Variants in DLGAP2 observed in about 807,000 individuals in gnomAD.
DLGAP2 encodes the protein disks large-associated protein 2.
DLGAP2 carries 26 observed loss-of-function variants against 100.3 expected under a neutral mutation model. That is an observed-to-expected ratio of 0.26 (90% CI 0.19 to 0.36). The LOEUF (loss-of-function observed/expected upper bound fraction) is 0.36. DLGAP2 is among the 10% of genes least tolerant of loss of function. DLGAP2 has a pLI of 1.00. For synonymous variants in DLGAP2, 886 were observed against 630.1 expected (o/e 1.41, Z -6.08); for missense variants, 1,858 against 1,453.2 (o/e 1.28, Z -4.53).
intron 2 of DLGAP2, among the ~76,000 whole-genome samples, chr8:1,187,415 C>T (rs1316768771): frequency 7.0e-6 from 1 of 142,646 alleles, no homozygotes; most frequent in African/African-American, 2.7e-5. Context: ...GTCACACGCC[C>T]GGGACCTCCG....
intron 2 of DLGAP2, among the ~76,000 whole-genome samples, chr8:1,210,212 A>G (rs978170899): frequency 6.6e-6 from 1 of 152,104 alleles, no homozygotes; most frequent in East Asian, 1.9e-4. Flanking sequence ...CAAGGGTCCC[A>G]TCCGTCCAGG....
At chr8:1,698,570 CATGGGA>C (rs1563070153) in intron 14 of DLGAP2, among the ~76,000 whole-genome samples, 5 of 150,002 alleles carry the variant, frequency 3.3e-5, no homozygotes, top group African/African-American at 9.9e-5. Flanking sequence ...GTAAGCCATG[CATGGGA>C]CTAGACAGGT....
At position 1,664,661 on chromosome 8, in the gene DLGAP2, A is replaced by G. The variant is rs564753457; in HGVS notation, c.1811-3668A>G. ...GAAAACCCATATGGTAACAGCAACC[A>G]TATGGACATTCAGTTCGACCTGGAC... On this transcript the variant is annotated intron_variant, in intron 8 of 14. Transcript: ENST00000637795. Among the ~76,000 whole-genome samples, 18 of 152,338 alleles carry G rather than the reference A, an allele frequency of 1.2e-4. No individual in the cohort carries two copies. The East Asian group carries it at 3.5e-3, about 29-fold the overall frequency.
chr8:1,090,287 TGGCCAGGCAGG>T (rs1382234122), intron 2 of DLGAP2, among the ~76,000 whole-genome samples: 8 of 150,792 alleles, frequency 5.3e-5, no homozygotes, highest in Admixed American at 1.3e-4. Context: ...GGAGCCCTCC[TGGCCAGGCAGG>T]GGTGGAAACT....
chr8:1,563,197 T>C (rs13254408), intron 5 of DLGAP2, among the ~76,000 whole-genome samples: 309 of 19,142 alleles, frequency 0.016, no homozygotes, highest in Non-Finnish European at 0.017. Flanking sequence ...TTGGGGTGTC[T>C]GCGCCTCGTT....
chr8:1,143,574 C>A (rs1796557477), intron 2 of DLGAP2, among the ~76,000 whole-genome samples: 1 of 152,170 alleles, frequency 6.6e-6, no homozygotes, highest in Non-Finnish European at 1.5e-5. Context: ...CAGGACTCAG[C>A]CCCGGGCTCT....
chr8:780,185 A>T (rs903531459), intron 1 of DLGAP2, among the ~76,000 whole-genome samples: 1 of 151,392 alleles, frequency 6.6e-6, no homozygotes, highest in Non-Finnish European at 1.5e-5. Flanking sequence ...TCACTGTTCT[A>T]CTCTGTTTCC....
chr8:1,275,499 T>C (rs1428562152), intron 3 of DLGAP2, among the ~76,000 whole-genome samples: 1 of 151,838 alleles, frequency 6.6e-6, no homozygotes, highest in Admixed American at 6.6e-5. Flanking sequence ...GACATCAGCG[T>C]CAATCCCAGA....
chr8:904,881 C>T (rs932747337), intron 1 of DLGAP2, among the ~76,000 whole-genome samples: 1 of 152,212 alleles, frequency 6.6e-6, no homozygotes, highest in African/African-American at 2.4e-5. Flanking sequence ...TTTCATTCTC[C>T]TCTGCGGCCT....
chr8:1,616,378 T>C (rs562362111), intron 6 of DLGAP2, among the ~76,000 whole-genome samples: 2 of 152,110 alleles, frequency 1.3e-5, no homozygotes, highest in East Asian at 3.9e-4. Context: ...TTTGAAAGAA[T>C]CCACAGACCC....
chr8:995,805 C>T (rs1800767985), intron 2 of DLGAP2, among the ~76,000 whole-genome samples: 1 of 150,644 alleles, frequency 6.6e-6, no homozygotes, highest in South Asian at 2.1e-4. Context: ...TTTGGTGATG[C>T]TGGGGTGCTA....
intron 2 of DLGAP2, among the ~76,000 whole-genome samples, chr8:935,383 A>G (rs1040399005): frequency 6.6e-6 from 1 of 152,222 alleles, no homozygotes; most frequent in African/African-American, 2.4e-5. Context: ...AGCATTTTAC[A>G]TGCTGGATTT....
At chr8:1,506,463 A>T (rs547587512) in intron 4 of DLGAP2, among the ~76,000 whole-genome samples, 7 of 152,150 alleles carry the variant, frequency 4.6e-5, no homozygotes, top group Admixed American at 2.6e-4. Context: ...TGTGGTCTCA[A>T]TGGCCTCAGG....
chr8:1,309,145 C>T (rs924154958), intron 3 of DLGAP2, among the ~76,000 whole-genome samples: 4 of 151,876 alleles, frequency 2.6e-5, no homozygotes, highest in African/African-American at 7.3e-5. Context: ...TTACAAGAGT[C>T]TCCGAAAAGG....
intron 6 of DLGAP2, among the ~76,000 whole-genome samples, chr8:1,591,246 A>T (rs1247716914): frequency 1.3e-5 from 2 of 151,966 alleles, no homozygotes; most frequent in Non-Finnish European, 2.9e-5. Context: ...ATTTCTAGGG[A>T]ATTACAGGGA....
intron 4 of DLGAP2, among the ~76,000 whole-genome samples, chr8:1,514,625 A>G (rs1355653763): frequency 6.6e-6 from 1 of 152,096 alleles, no homozygotes; most frequent in African/African-American, 2.4e-5. Context: ...GCTTATACTC[A>G]CCTATGTCAC....
At chr8:1,316,502 A>C (rs1280586291) in intron 3 of DLGAP2, among the ~76,000 whole-genome samples, 14 of 117,950 alleles carry the variant, frequency 1.2e-4, no homozygotes, top group Non-Finnish European at 1.3e-4. Context: ...GCGTCTCTCC[A>C]ACAGTGGTCT....
intron 1 of DLGAP2, among the ~76,000 whole-genome samples, chr8:842,300 C>T (rs1358960510): frequency 6.6e-6 from 1 of 152,160 alleles, no homozygotes; most frequent in Non-Finnish European, 1.5e-5. Context: ...TTTCTGTGTC[C>T]TTTATACCTG....
At chr8:1,506,256 T>C (rs1799908986) in intron 4 of DLGAP2, among the ~76,000 whole-genome samples, 1 of 152,208 alleles carries the variant, frequency 6.6e-6, no homozygotes, top group South Asian at 2.1e-4. Context: ...AAAACCCAGC[T>C]CTACCTATAC....
Sources: gnomAD v4.1 joint callset for allele counts (sites outside exome capture counted in the v4.1 genomes callset) on GRCh38, gnomAD v4.1.1 for gene constraint, MANE v1.5 for transcripts, NCBI Gene and HGNC (gene_info 2026-07-23, HGNC 2026-07-21) for gene names.